MICB: variants seen among roughly 807,000 people sequenced by gnomAD.
MICB encodes MHC class I polypeptide-related sequence B.
A neutral mutation model predicts 34.3 loss-of-function variants in MICB; 27 were observed. The observed-to-expected ratio is 0.79, with a 90% confidence interval of 0.58 to 1.08. MICB has a LOEUF of 1.08. Ranked by LOEUF, MICB falls within the 50% of genes least tolerant of loss-of-function variation. The probability of loss-of-function intolerance (pLI) is 0.00; values close to 1 mark genes in which losing one functional copy is unlikely to be tolerated. For synonymous variants in MICB, 153 were observed against 187.4 expected, an observed-to-expected ratio of 0.82 and a Z score of 1.50; for missense variants, 426 against 483.1, an observed-to-expected ratio of 0.88 and a Z score of 1.11.
At position 31,506,387 on chromosome 6, in the gene MICB, A is replaced by G; in HGVS notation, c.570A>G (p.Lys190=). ...CTATGCAGGCAGACTGCCTGCAGAA[A>G]CTACAGCGATATCTGAAATCCGGGG... ...YRAMQADCLQ[K]LQRYLKSGVA... Residue 190 remains lysine, a synonymous_variant, in exon 3 of 6, where the codon AAA becomes AAG. Coordinates refer to ENST00000252229, the MANE Select transcript of MICB (RefSeq NM_005931.5). 1 of 1,614,104 alleles carries G rather than the reference A, an allele frequency of 6.2e-7. No homozygotes were observed. The highest frequency in any genetic ancestry group is 8.5e-7 in the Non-Finnish European group (1 of 1,179,986).
intron 5 of MICB, among the ~76,000 whole-genome samples, chr6:31,509,464 T>C (rs140445184): frequency 8.8e-4 from 134 of 152,208 alleles, no homozygotes; most frequent in African/African-American, 3.0e-3. Flanking sequence ...GGGAGGCCTC[T>C]CACTGTAACA....
In MICB at chr6:31,510,052, G is replaced by GC; in HGVS notation, c.*143_*144insC. The GC allele has an allele frequency of 1.1e-6, 1 of 928,860 alleles. No individual in the cohort carries two copies. The highest frequency in any genetic ancestry group is 2.6e-5 in the South Asian group (1 of 37,954). The allele number at this position is 928,860 out of a possible 1,614,324, so 57.5% of individuals were successfully genotyped here. ...GCTGCAAAGTGTTAGTAGGTATGAG[G>GC]TGTTTGCTGCTCTGCCACGTAGAGA... On this transcript the variant is annotated 3_prime_UTR_variant, in exon 6 of 6. Transcript: ENST00000252229.
chr6:31,498,339 G>A, intron 1 of MICB, 76 bp downstream of exon 1: 4 of 1,295,068 alleles, frequency 3.1e-6, no homozygotes, highest in African/African-American at 1.5e-5. Flanking sequence ...GGGTTGCCGC[G>A]AGCGCTGTGC....
chr6:31,506,155 T>C lies in MICB; in HGVS notation c.338T>C (p.Leu113Pro), dbSNP rs1242818742. ...IKDQKGGLHS[L>P]QEIRVCEIHE... ...TGGGTGGGGGCAGGCTTGCATTCCC[T>C]CCAGGAGATTAGGGTCTGTGAGATC... The change falls in exon 3 of 6, where the codon CTC (leucine) becomes CCC (proline). Residue 113 changes from leucine to proline, a missense_variant. Physicochemically the swap from Leu to Pro is moderately conservative, Grantham distance 98. Coordinates refer to ENST00000252229, the MANE Select transcript of MICB (RefSeq NM_005931.5). 6.2e-7 allele frequency: 1 copy of C among 1,613,530 alleles called. No homozygotes were observed. The highest frequency in any genetic ancestry group is 1.3e-5 in the African/African-American group (1 of 74,966).
upstream of MICB, among the ~76,000 whole-genome samples, chr6:31,495,889 A>AAAAAT (rs1240848020): frequency 1.4e-5 from 2 of 142,304 alleles, no homozygotes; most frequent in African/African-American, 5.2e-5. Context: ...CCTCTCTTAA[A>AAAAAT]AAAATAAAAT....
At chr6:31,500,409 G>T (rs1050150675) in intron 1 of MICB, among the ~76,000 whole-genome samples, 7 of 152,102 alleles carry the variant, frequency 4.6e-5, no homozygotes, top group African/African-American at 1.7e-4. Flanking sequence ...CAGGGTAAAT[G>T]GGTTATCTAT....
At chr6:31,509,567 TG>T (rs1377619885) in intron 5 of MICB, among the ~76,000 whole-genome samples, 1 of 151,848 alleles carries the variant, frequency 6.6e-6, no homozygotes, top group Non-Finnish European at 1.5e-5. Flanking sequence ...CGGTGAGTGG[TG>T]GGCACAGGAC....
At chr6:31,501,028 A>G (rs1764993107) in intron 1 of MICB, among the ~76,000 whole-genome samples, 1 of 152,158 alleles carries the variant, frequency 6.6e-6, no homozygotes, top group Non-Finnish European at 1.5e-5. Flanking sequence ...CACAGTGGTT[A>G]TACTAGTTTA....
In MICB at chr6:31,507,045, T is replaced by G; in HGVS notation, c.637T>G (p.Cys213Gly). 6.2e-7 allele frequency: 1 copy of G among 1,613,778 alleles called. No individual in the cohort carries two copies. Among genetic ancestry groups the G allele is most frequent in the Non-Finnish European group, 8.5e-7 (1 of 1,179,732 alleles). The change falls in exon 4 of 6, where the codon TGC becomes GGC. Residue 213 changes from cysteine (C) to glycine (G), a missense_variant. By Grantham distance (159) the Cys-to-Gly change is radical. Coordinates refer to ENST00000252229, the MANE Select transcript of MICB (RefSeq NM_005931.5). This position sits in a 1 kb window ranked among gnomAD's most constrained non-coding sequence, Gnocchi z 6.0. ...RTVPPMVNVT[C>G]SEVSEGNITV... ...AGTGCCCCCCATGGTGAATGTCACC[T>G]GCAGCGAGGTCTCAGAGGGCAACAT...
intron 5 of MICB, among the ~76,000 whole-genome samples, chr6:31,509,516 G>C (rs142743943): frequency 2.0e-5 from 3 of 152,314 alleles, no homozygotes; most frequent in Non-Finnish European, 2.9e-5. Flanking sequence ...GTTCCCTCTT[G>C]GGTCTTGTCC....
chr6:31,498,328 T>G (rs965757867), intron 1 of MICB, 65 bp downstream of exon 1: 1 of 1,378,010 alleles, frequency 7.3e-7, no homozygotes, highest in South Asian at 1.3e-5. Context: ...GGGGTCCGGG[T>G]GGGTTGCCGC....
chr6:31,511,096 A>G lies in MICB; in HGVS notation c.*1187A>G. The G allele has an allele frequency of 6.6e-6, 1 of 152,242 alleles. No individual in the cohort carries two copies. The highest frequency in any genetic ancestry group is 1.9e-4 in the East Asian group (1 of 5,204). The allele number at this position is 152,242 out of a possible 1,614,324, so 9.4% of individuals were successfully genotyped here. The stretch of plus-strand genomic sequence containing the variant: ...GTCTACTATTATGTGTGCATAATTT[A>G]TACCGTAAATGTTTACTCTTTAAAT... On this transcript the variant is annotated 3_prime_UTR_variant, in exon 6 of 6. Coordinates refer to ENST00000252229, the MANE Select transcript of MICB (RefSeq NM_005931.5).
intron 2 of MICB, 100 bp from the exon 3 acceptor site, chr6:31,506,043 G>A (rs1347203288): frequency 6.0e-6 from 9 of 1,494,518 alleles, no homozygotes; most frequent in Non-Finnish European, 8.0e-6. Flanking sequence ...AGGGAGGCAT[G>A]GAGGAGGGCC....
intron 1 of MICB, among the ~76,000 whole-genome samples, chr6:31,499,450 A>T (rs1334035321): frequency 6.9e-6 from 1 of 145,932 alleles, no homozygotes; most frequent in Admixed American, 6.9e-5. Flanking sequence ...TGCCTCCTTT[A>T]TGGGCCTTTC....
intron 3 of MICB, 69 bp from the exon 4 acceptor site, chr6:31,506,953 G>A (rs1168333650): frequency 6.4e-7 from 1 of 1,564,814 alleles, no homozygotes; most frequent in Admixed American, 1.8e-5. Flanking sequence ...GTGGAGAGGA[G>A]CAGCCCTGTT....
chr6:31,502,307 G>T (rs184493645), intron 1 of MICB, among the ~76,000 whole-genome samples: 1 of 152,204 alleles, frequency 6.6e-6, no homozygotes, highest in Non-Finnish European at 1.5e-5. Flanking sequence ...TTGCACTCCA[G>T]CCTGGGCAAC....
intron 1 of MICB, among the ~76,000 whole-genome samples, 183 bp downstream of exon 1, chr6:31,498,446 C>CTCTTT (rs1764806023): frequency 1.1e-5 from 1 of 89,262 alleles, no homozygotes; most frequent in African/African-American, 4.7e-5. Flanking sequence ...TCTCCCGTCT[C>CTCTTT]TTTTTTTTTT....
intron 1 of MICB, among the ~76,000 whole-genome samples, chr6:31,504,254 C>CT (rs9281513): frequency 0.12 from 7,166 of 59,838 alleles, 1,459 homozygotes; most frequent in East Asian, 0.15. Flanking sequence ...CTCTCTTTTT[C>CT]TTTTTTTTTT....
Position 31,505,866 on chromosome 6 carries a change from AAGG to A in MICB, c.324_325+1del. The A allele has an allele frequency of 6.2e-7, 1 of 1,604,848 alleles. No individual in the cohort carries two copies. On this transcript the variant is annotated inframe_deletion and splice_region_variant, in exon 2 of 6. Transcript: ENST00000252229. ...ACCCTGACTCATATCAAGGACCAGA[AAGG>A]AGGTGAGAGTCGGCAGGGGCAAGAG...
Sources: allele counts gnomAD v4.1 joint callset (sites outside exome capture counted in the v4.1 genomes callset), GRCh38; gene constraint gnomAD v4.1.1; non-coding constraint Gnocchi (gnomAD v3.1); transcripts MANE v1.5; gene names NCBI Gene and HGNC (gene_info 2026-07-23, HGNC 2026-07-21).